SCN4B: variants seen among roughly 807,000 people sequenced by gnomAD.
SCN4B encodes the protein sodium channel regulatory subunit beta-4.
SCN4B carries 20 observed loss-of-function variants against 19.6 expected under a neutral mutation model. The observed-to-expected ratio is 1.02, with a 90% CI of 0.72 to 1.48. The LOEUF (loss-of-function observed/expected upper bound fraction) is 1.48, where lower values mean the gene tolerates loss of function less well. Ranked by LOEUF, SCN4B falls within the 40% of genes most tolerant of loss-of-function variation. The pLI is 0.00. For synonymous variants in SCN4B, 127 were observed against 122.8 expected (o/e 1.03, Z -0.22); for missense variants, 271 against 287.5 (o/e 0.94, Z 0.42).
At position 118,145,083 on chromosome 11, in the gene SCN4B, A is replaced by G. The variant is rs1029021066; in HGVS notation, c.208T>C (p.Tyr70His). ...ATCTTGAATGCGTCACTGCTGTTGT[A>G]GGTCCACCGGAAGTGGAGGTCCTCG... The part of the protein sequence containing the change: ...GFEDLHFRWT[Y>H]NSSDAFKILI... Residue 70 changes from tyrosine (Y) to histidine (H), a missense_variant, in exon 2 of 5, where the codon TAC (tyrosine) becomes CAC (histidine). Coordinates refer to ENST00000324727, the MANE Select transcript of SCN4B (RefSeq NM_174934.4). The G allele has an allele frequency of 7.4e-6, 12 of 1,614,146 alleles. No individual in the cohort carries two copies. The highest frequency in any genetic ancestry group is 9.3e-6 in the Non-Finnish European group (11 of 1,180,008).
intron 4 of SCN4B, among the ~76,000 whole-genome samples, chr11:118,139,354 C>A (rs1242943032): frequency 6.6e-6 from 1 of 152,222 alleles, no homozygotes; most frequent in Non-Finnish European, 1.5e-5. Context: ...AACACCCATT[C>A]AGCCAGAAAT....
chr11:118,134,470 A>G lies in SCN4B; in HGVS notation c.*2557T>C, dbSNP rs1191442079. The G allele has an allele frequency of 2.2e-6, 1 of 453,986 alleles. No individual in the cohort carries two copies. The highest frequency in any genetic ancestry group is 4.4e-6 in the Non-Finnish European group (1 of 226,804). 28.1% of individuals were successfully genotyped at this position (453,986 alleles called of 1,614,324 possible). ...GTTTCTCCATGGGTATAATGTTGACATGGGACAGGATGATTCTTTGTTGTG... is the reference window on the plus strand; with the variant it reads ...GTTTCTCCATGGGTATAATGTTGACGTGGGACAGGATGATTCTTTGTTGTG... On this transcript the variant is annotated 3_prime_UTR_variant, in exon 5 of 5. Transcript: ENST00000324727.
intron 3 of SCN4B, among the ~76,000 whole-genome samples, chr11:118,142,398 C>A (rs1948110281): frequency 6.6e-6 from 1 of 152,252 alleles, no homozygotes; most frequent in African/African-American, 2.4e-5. Flanking sequence ...CTCTCACCTC[C>A]TTCAAATATC....
chr11:118,142,370 G>T (rs934545913), intron 3 of SCN4B, among the ~76,000 whole-genome samples: 1 of 152,190 alleles, frequency 6.6e-6, no homozygotes, highest in African/African-American at 2.4e-5. Context: ...TCTTCCCAAA[G>T]ATGCCCTCAT....
rs1250302514 is a variant in SCN4B at position 118,133,400 on chromosome 11, A to C, written c.*3627T>G. ...AATTATTAAACATAATTTTTATTTC[A>C]TCCAAGGCAAAGCTAAATACAATTC... On this transcript the variant is annotated 3_prime_UTR_variant, in exon 5 of 5. Transcript: ENST00000324727. 1.0e-5 allele frequency: 4 copies of C among 391,488 alleles called. No individual in the cohort carries two copies. The East Asian group carries it at 2.9e-4, about 29-fold the overall frequency. 24.3% of individuals were successfully genotyped at this position (391,488 alleles called of 1,614,324 possible). A position where few individuals can be genotyped will look rare whatever the true frequency, so the allele number is the denominator to read the frequency against.
chr11:118,137,454 T>A (rs919742828), intron 4 of SCN4B, among the ~76,000 whole-genome samples: 2 of 151,812 alleles, frequency 1.3e-5, no homozygotes, highest in African/African-American at 4.8e-5. Context: ...GCAGATCACT[T>A]GAGGTCAGGA....
At chr11:118,143,387 T>C (rs188486839) in intron 3 of SCN4B, among the ~76,000 whole-genome samples, 115 of 152,382 alleles carry the variant, frequency 7.5e-4, no homozygotes, top group Non-Finnish European at 1.4e-3. Flanking sequence ...ATTTATCTTC[T>C]GTCCTACCTT....
chr11:118,141,739 C>A (rs541543581), intron 3 of SCN4B: 2 of 242,024 alleles, frequency 8.3e-6, no homozygotes, highest in Admixed American at 5.1e-5. Flanking sequence ...CCCTATGATA[C>A]CTCTTAGATG....
chr11:118,148,125 T>C lies in SCN4B; in HGVS notation c.62-2896A>G, dbSNP rs143880660. On this transcript the variant is annotated intron_variant, in intron 1 of 4. Coordinates refer to ENST00000324727, the MANE Select transcript of SCN4B (RefSeq NM_174934.4). The surrounding 1 kb of genome is among the most constrained non-coding windows in gnomAD (Gnocchi z 4.0). ...CACTCAGGACTCTGCAAGTGAAGCA[T>C]TGCCATTTCCTCAGTAGCTGGGAGG... Among the ~76,000 whole-genome samples the C allele has an allele frequency of 2.6e-3, 392 of 152,300 alleles. 3 individuals carry two copies. The highest frequency in any genetic ancestry group is 9.0e-3 in the African/African-American group (375 of 41,562).
intron 4 of SCN4B, among the ~76,000 whole-genome samples, chr11:118,140,781 A>G (rs958492819): frequency 7.9e-5 from 12 of 152,172 alleles, no homozygotes; most frequent in Admixed American, 6.5e-4. Context: ...CTAACAGAAG[A>G]ATTTTGTTCC....
intron 4 of SCN4B, 88 bp from the exon 5 acceptor site, chr11:118,137,208 G>T: frequency 1.1e-6 from 1 of 940,898 alleles, no homozygotes; most frequent in Non-Finnish European, 1.7e-6. Flanking sequence ...CCTGCACCCA[G>T]CCCTGTGCCT....
chr11:118,141,331 C>T lies in SCN4B; in HGVS notation c.469G>A (p.Glu157Lys). The T allele has an allele frequency of 6.2e-7, 1 of 1,612,364 alleles. No homozygotes were observed. Among genetic ancestry groups the T allele is most frequent in the Non-Finnish European group, 8.5e-7 (1 of 1,180,012 alleles). Reference sequence around the variant, plus strand: ...ATGAGTGTCACTGTGTTGTCCACTTCTTCCACTGTGTGGCCCGAGTAGGGA... The same window carrying T: ...ATGAGTGTCACTGTGTTGTCCACTTTTTCCACTGTGTGGCCCGAGTAGGGA... The part of the protein sequence containing the change: ...IFLQVVDRLE[E>K]VDNTVTLIIL... The change falls in exon 4 of 5, where the codon GAA becomes AAA. Residue 157 changes from glutamate to lysine, a missense_variant. Coordinates refer to ENST00000324727, the MANE Select transcript of SCN4B (RefSeq NM_174934.4).
At chr11:118,138,647 G>T (rs1423242027) in intron 4 of SCN4B, among the ~76,000 whole-genome samples, 3 of 152,132 alleles carry the variant, frequency 2.0e-5, no homozygotes, top group Non-Finnish European at 2.9e-5. Context: ...CACTCTCCTA[G>T]GGCATGTGAC....
intron 1 of SCN4B, among the ~76,000 whole-genome samples, chr11:118,147,580 T>C (rs1948193816): frequency 6.6e-6 from 1 of 152,208 alleles, no homozygotes; most frequent in Admixed American, 6.5e-5. Context: ...TCTGCCCTCC[T>C]CCGCCCCATC....
In SCN4B at chr11:118,135,198, A is replaced by G; in HGVS notation, c.*1829T>C. On this transcript the variant is annotated 3_prime_UTR_variant, in exon 5 of 5. Transcript: ENST00000324727. The stretch of plus-strand genomic sequence containing the variant: ...CCATGACAGGTTCTGGGTAGAGAAG[A>G]ATGGGAGGCGCACAGGCAGATCAGA... 2.2e-6 allele frequency: 1 copy of G among 454,020 alleles called. No individual in the cohort carries two copies. Among genetic ancestry groups the G allele is most frequent in the Non-Finnish European group, 4.4e-6 (1 of 226,732 alleles). 28.1% of individuals were successfully genotyped at this position (454,020 alleles called of 1,614,324 possible). A position where few individuals can be genotyped will look rare whatever the true frequency, so the allele number is the denominator to read the frequency against.
At chr11:118,141,684 C>T (rs1031407406) in intron 3 of SCN4B, 4 of 367,716 alleles carry the variant, frequency 1.1e-5, no homozygotes, top group Admixed American at 4.2e-5. Flanking sequence ...AATTTCATTG[C>T]CTCTTTCTAG....
chr11:118,140,131 T>C (rs529551890), intron 4 of SCN4B, among the ~76,000 whole-genome samples: 1 of 152,298 alleles, frequency 6.6e-6, no homozygotes, highest in African/African-American at 2.4e-5. Flanking sequence ...TTGTTCTCCA[T>C]CCATTGATAG....
intron 1 of SCN4B, among the ~76,000 whole-genome samples, chr11:118,150,198 CAG>C (rs1948222098): frequency 6.6e-6 from 1 of 152,186 alleles, no homozygotes; most frequent in South Asian, 2.1e-4. Context: ...GTGGGCAGGA[CAG>C]AGATATTACC....
At position 118,148,078 on chromosome 11, in the gene SCN4B, T is replaced by C. The variant is rs1183806489; in HGVS notation, c.62-2849A>G. 6.6e-6 allele frequency among the ~76,000 whole-genome samples: 1 copy of C among 152,252 alleles called. No homozygotes were observed. The highest frequency in any genetic ancestry group is 1.5e-5 in the Non-Finnish European group (1 of 68,048). ...TTTCTGCCTGGTTTGTGTGCACCTA[T>C]GTGGATGACTTAAGTCCAATACACT... On this transcript the variant is annotated intron_variant, in intron 1 of 4. Transcript: ENST00000324727. The surrounding 1 kb of genome is among the most constrained non-coding windows in gnomAD (Gnocchi z 4.0).
Sources: gnomAD v4.1 joint callset for allele counts (sites outside exome capture counted in the v4.1 genomes callset) on GRCh38, gnomAD v4.1.1 for gene constraint, Gnocchi (gnomAD v3.1) non-coding constraint, MANE v1.5 for transcripts, NCBI Gene and HGNC (gene_info 2026-07-23, HGNC 2026-07-21) for gene names.